TLN2: variants seen among roughly 807,000 people sequenced by gnomAD.
TLN2 encodes talin 2.
Under a neutral mutation model 294.7 loss-of-function variants are expected in TLN2, and 118 were observed. That is an observed-to-expected ratio of 0.40 (90% CI 0.34 to 0.47). The LOEUF (loss-of-function observed/expected upper bound fraction) is 0.47, where lower values mean the gene tolerates loss of function less well. Among genes scored for constraint, TLN2 ranks in the 20% least tolerant of loss-of-function variants. TLN2 has a pLI of 0.84. For synonymous variants in TLN2, 1,431 were observed against 1,304.5 expected (o/e 1.10, Z -2.09); for missense variants, 3,083 against 3,282.2 (o/e 0.94, Z 1.48).
rs1452536772 is a variant in TLN2 at position 62,717,559 on chromosome 15, C to T, written c.2764-17C>T. The T allele has an allele frequency of 6.6e-7, 1 of 1,516,920 alleles. No individual in the cohort carries two copies. Among genetic ancestry groups the T allele is most frequent in the Non-Finnish European group, 8.8e-7 (1 of 1,134,872 alleles). The allele number at this position is 1,516,920 out of a possible 1,614,324, so 94.0% of individuals were successfully genotyped here. A position where few individuals can be genotyped will look rare whatever the true frequency, so the allele number is the denominator to read the frequency against. On this transcript the variant is annotated splice_polypyrimidine_tract_variant and intron_variant, in intron 23 of 58. Coordinates refer to ENST00000636159, the MANE Select transcript of TLN2 (RefSeq NM_015059.3). Reference sequence around the variant, plus strand: ...ATTGCATATGCAGATCCTGACTCATCTATCACTCCTCTGCAGGTTGCAGCC... The same window carrying T: ...ATTGCATATGCAGATCCTGACTCATTTATCACTCCTCTGCAGGTTGCAGCC...
chr15:62,401,503 A>G (rs917666970), intron 1 of TLN2, among the ~76,000 whole-genome samples: 8 of 152,132 alleles, frequency 5.3e-5, no homozygotes, highest in Non-Finnish European at 7.4e-5. Context: ...GCTTTGCAGG[A>G]TGGGTTTCTT....
chr15:62,678,657 C>T (rs1303156843), intron 11 of TLN2, among the ~76,000 whole-genome samples: 1 of 152,134 alleles, frequency 6.6e-6, no homozygotes, highest in Non-Finnish European at 1.5e-5. Context: ...ATAGTGAAAC[C>T]CCATCTTTAC....
At chr15:62,700,995 C>G in intron 16 of TLN2, 111 bp from the exon 17 acceptor site, 1 of 902,944 alleles carries the variant, frequency 1.1e-6, no homozygotes, top group East Asian at 2.4e-5. Context: ...CGGTGCTGGC[C>G]TCATAAGAAG....
chr15:62,776,359 A>G (rs149373748), intron 42 of TLN2, among the ~76,000 whole-genome samples: 61 of 152,252 alleles, frequency 4.0e-4, no homozygotes, highest in Non-Finnish European at 7.6e-4. Flanking sequence ...TAGACGGGGA[A>G]CTATAGTGTG....
intron 2 of TLN2, among the ~76,000 whole-genome samples, chr15:62,589,991 G>A (rs1232593679): frequency 1.3e-5 from 2 of 148,908 alleles, no homozygotes; most frequent in Non-Finnish European, 3.0e-5. Context: ...AGGAGGAGCT[G>A]AGTAGCTGGG....
intron 11 of TLN2, among the ~76,000 whole-genome samples, chr15:62,678,688 A>G (rs2056496679): frequency 6.6e-6 from 1 of 152,192 alleles, no homozygotes; most frequent in South Asian, 2.1e-4. Flanking sequence ...AAAGTTAGCT[A>G]GATGTGGTGG....
chr15:62,690,672 T>G, intron 12 of TLN2, among the ~76,000 whole-genome samples: 1 of 145,756 alleles, frequency 6.9e-6, no homozygotes, highest in Non-Finnish European at 1.5e-5. Context: ...AGCTGGGAGG[T>G]GGATGTTGTA....
intron 2 of TLN2, among the ~76,000 whole-genome samples, chr15:62,602,021 C>T (rs149957184): frequency 6.6e-6 from 1 of 152,284 alleles, no homozygotes; most frequent in African/African-American, 2.4e-5. Context: ...TTGCCTCAGA[C>T]TGAGATCTGC....
At chr15:62,550,143 G>A (rs567284815) in intron 1 of TLN2, among the ~76,000 whole-genome samples, 102 of 152,240 alleles carry the variant, frequency 6.7e-4, no homozygotes, top group Non-Finnish European at 1.1e-3. Flanking sequence ...GGTTAAGGAA[G>A]GATGGAGGAG....
chr15:62,477,017 A>G (rs749980995), intron 1 of TLN2, among the ~76,000 whole-genome samples: 1 of 152,170 alleles, frequency 6.6e-6, no homozygotes, highest in South Asian at 2.1e-4. Flanking sequence ...CTGCCTATTC[A>G]TCCATTCATT....
At chr15:62,588,150 G>A (rs1045084722) in intron 1 of TLN2, among the ~76,000 whole-genome samples, 1 of 152,038 alleles carries the variant, frequency 6.6e-6, no homozygotes, top group Non-Finnish European at 1.5e-5. Flanking sequence ...AAAGTGCTGG[G>A]ATTACAGGCG....
At chr15:62,582,832 G>A (rs1286312351) in intron 1 of TLN2, among the ~76,000 whole-genome samples, 1 of 152,158 alleles carries the variant, frequency 6.6e-6, no homozygotes, top group Admixed American at 6.5e-5. Context: ...TGGGAAGGCT[G>A]CCACGGTAGA....
At chr15:62,416,269 C>T (rs1437288336) in intron 1 of TLN2, among the ~76,000 whole-genome samples, 2 of 152,166 alleles carry the variant, frequency 1.3e-5, no homozygotes, top group East Asian at 3.9e-4. Flanking sequence ...TGCATTCCAA[C>T]CTGGGTAACA....
chr15:62,467,319 C>T (rs1023244226), intron 1 of TLN2, among the ~76,000 whole-genome samples: 1 of 152,160 alleles, frequency 6.6e-6, no homozygotes, highest in Non-Finnish European at 1.5e-5. Context: ...AAGTGGTGAG[C>T]CTGGATTTGT....
intron 1 of TLN2, among the ~76,000 whole-genome samples, chr15:62,565,509 T>G (rs931767998): frequency 2.6e-5 from 4 of 152,188 alleles, no homozygotes; most frequent in African/African-American, 9.6e-5. Flanking sequence ...CGTAATTAAG[T>G]ACTCCTGGAT....
chr15:62,496,061 A>G (rs951248855), intron 1 of TLN2, among the ~76,000 whole-genome samples: 2 of 152,196 alleles, frequency 1.3e-5, no homozygotes, highest in African/African-American at 4.8e-5. Context: ...TTGGAAGGCA[A>G]TTGTAGTGGA....
chr15:62,599,830 C>G (rs2046839680), intron 2 of TLN2, among the ~76,000 whole-genome samples: 1 of 152,128 alleles, frequency 6.6e-6, no homozygotes. Flanking sequence ...TGAGCGCTTG[C>G]TGTCCCTGTT....
At chr15:62,826,697 GC>G (rs1703346804) in intron 54 of TLN2, among the ~76,000 whole-genome samples, 1 of 135,314 alleles carries the variant, frequency 7.4e-6, no homozygotes, top group Non-Finnish European at 1.6e-5. Context: ...CAAACTAGTA[GC>G]AGCCAAACTT....
intron 34 of TLN2, among the ~76,000 whole-genome samples, chr15:62,751,132 G>A (rs1003274530): frequency 1.3e-5 from 2 of 151,936 alleles, no homozygotes; most frequent in African/African-American, 2.4e-5. Context: ...AGGCTCCTTA[G>A]TGGAACAATA....
Sources: gnomAD v4.1 joint callset for allele counts (sites outside exome capture counted in the v4.1 genomes callset) on GRCh38, gnomAD v4.1.1 for gene constraint, MANE v1.5 for transcripts, NCBI Gene and HGNC (gene_info 2026-07-23, HGNC 2026-07-21) for gene names.